The following URI1 variants were observed in gnomAD, a reference collection of about 807,000 sequenced individuals.
URI1 encodes the protein URI1 prefoldin like chaperone.
URI1 carries 39 observed loss-of-function variants against 60.2 expected under a neutral mutation model. The observed-to-expected ratio is 0.65, with a 90% CI of 0.50 to 0.85. The LOEUF (loss-of-function observed/expected upper bound fraction) is 0.85. URI1 is among the 40% of genes least tolerant of loss of function. The probability of loss-of-function intolerance (pLI) is 0.00; values close to 1 mark genes in which losing one functional copy is unlikely to be tolerated. For missense variants in URI1, 691 were observed against 665.9 expected (o/e 1.04, Z -0.42); for synonymous variants, 251 against 236.8 (o/e 1.06, Z -0.55).
chr19:29,972,476 A>T (rs987484788), intron 2 of URI1, among the ~76,000 whole-genome samples: 2 of 152,112 alleles, frequency 1.3e-5, no homozygotes, highest in Non-Finnish European at 2.9e-5. Flanking sequence ...ATTAACGTGG[A>T]CTTCTGTCTA....
chr19:29,954,920 A>G (rs1487128176), intron 1 of URI1, among the ~76,000 whole-genome samples: 1 of 152,074 alleles, frequency 6.6e-6, no homozygotes, highest in Non-Finnish European at 1.5e-5. Context: ...TTCTTATACA[A>G]AAGGCAGCTT....
chr19:30,006,911 C>T (rs939172644), intron 6 of URI1, among the ~76,000 whole-genome samples: 7 of 152,032 alleles, frequency 4.6e-5, no homozygotes, highest in Admixed American at 2.6e-4. Context: ...TAGAGATGTT[C>T]ATATGTAAAA....
intron 1 of URI1, among the ~76,000 whole-genome samples, chr19:29,942,918 A>G (rs1340237373): frequency 1.3e-5 from 2 of 152,024 alleles, no homozygotes; most frequent in East Asian, 3.9e-4. Context: ...GCGCGTGGGA[A>G]TTTGGGGGCG....
chr19:29,952,372 A>G (rs1459294872), intron 1 of URI1, among the ~76,000 whole-genome samples: 2 of 152,192 alleles, frequency 1.3e-5, no homozygotes, highest in African/African-American at 2.4e-5. Flanking sequence ...GACTGACTGG[A>G]TGGGAATATC....
intron 4 of URI1, among the ~76,000 whole-genome samples, chr19:29,989,260 G>A (rs1335988941): frequency 2.0e-5 from 3 of 150,664 alleles, no homozygotes; most frequent in East Asian, 3.9e-4. Context: ...ACAGACATGC[G>A]CCACCATGCC....
chr19:29,980,570 T>C (rs979027360), intron 2 of URI1, among the ~76,000 whole-genome samples: 2 of 141,344 alleles, frequency 1.4e-5, no homozygotes, highest in African/African-American at 5.4e-5. Flanking sequence ...CTGTTTAGGA[T>C]GTTAGGTAGA....
At chr19:29,940,328 T>C (rs2055010846), upstream of URI1, among the ~76,000 whole-genome samples, 1 of 152,008 alleles carries the variant, frequency 6.6e-6, no homozygotes, top group African/African-American at 2.4e-5. Context: ...ACTGATTCCT[T>C]ATGGGAGCAC....
intron 1 of URI1, among the ~76,000 whole-genome samples, chr19:29,932,318 G>GATT (rs111766393): frequency 1.3e-5 from 2 of 150,428 alleles, no homozygotes; most frequent in South Asian, 2.1e-4. Context: ...TGATGATGAT[G>GATT]ATTATTATTA....
At chr19:29,949,692 G>A (rs1348515519) in intron 1 of URI1, among the ~76,000 whole-genome samples, 2 of 152,340 alleles carry the variant, frequency 1.3e-5, no homozygotes, top group East Asian at 1.9e-4. Context: ...CAGATCACTC[G>A]CGGTTAGGAG....
At chr19:29,935,751 G>C (rs2054965017) in intron 1 of URI1, among the ~76,000 whole-genome samples, 1 of 138,910 alleles carries the variant, frequency 7.2e-6, no homozygotes, top group Non-Finnish European at 1.5e-5. Flanking sequence ...ACTGCCTCTG[G>C]GCCTCTGGTT....
chr19:29,964,202 C>CGGA (rs2055360713), intron 1 of URI1, among the ~76,000 whole-genome samples: 1 of 152,144 alleles, frequency 6.6e-6, no homozygotes, highest in Non-Finnish European at 1.5e-5. Flanking sequence ...ACAGTTCTCC[C>CGGA]CTCTCTGAAT....
At chr19:29,977,924 A>C (rs1475524603) in intron 2 of URI1, among the ~76,000 whole-genome samples, 1 of 152,230 alleles carries the variant, frequency 6.6e-6, no homozygotes, top group Non-Finnish European at 1.5e-5. Context: ...GGAAAAGTTG[A>C]AATAAGAAAG....
At chr19:29,930,197 C>T (rs2054904782) in intron 1 of URI1, among the ~76,000 whole-genome samples, 2 of 152,104 alleles carry the variant, frequency 1.3e-5, no homozygotes, top group Admixed American at 1.3e-4. Context: ...CCTCATCCTC[C>T]CAAAGTGCTG....
chr19:29,972,981 C>T (rs1207718948), intron 2 of URI1, among the ~76,000 whole-genome samples: 2 of 152,032 alleles, frequency 1.3e-5, no homozygotes, highest in African/African-American at 2.4e-5. Flanking sequence ...TGGTTTGGTT[C>T]AGGAAACAGA....
intron 1 of URI1, among the ~76,000 whole-genome samples, chr19:29,936,044 C>T (rs1003229577): frequency 1.2e-4 from 18 of 152,132 alleles, no homozygotes; most frequent in African/African-American, 4.3e-4. Context: ...CCTTGGCCTC[C>T]CAAAGTGCTG....
chr19:29,928,424 T>C (rs2054889009), intron 1 of URI1, among the ~76,000 whole-genome samples: 1 of 152,160 alleles, frequency 6.6e-6, no homozygotes, highest in Non-Finnish European at 1.5e-5. Context: ...TCTGGGCCGA[T>C]GTCACGAAAC....
intron 4 of URI1, among the ~76,000 whole-genome samples, chr19:29,988,390 T>G (rs183206552): frequency 1.0e-3 from 153 of 152,228 alleles, no homozygotes; most frequent in Non-Finnish European, 1.7e-3. Flanking sequence ...GGGTCATGAT[T>G]TGTTTAGCCA....
At chr19:29,981,906 A>G (rs2055602838) in intron 2 of URI1, among the ~76,000 whole-genome samples, 4 of 152,238 alleles carry the variant, frequency 2.6e-5, no homozygotes, top group Admixed American at 2.6e-4. Context: ...TTTGTTATAA[A>G]TAAAGACCCC....
At chr19:29,969,496 A>G (rs534635425) in intron 1 of URI1, among the ~76,000 whole-genome samples, 2 of 152,236 alleles carry the variant, frequency 1.3e-5, no homozygotes, top group Non-Finnish European at 2.9e-5. Flanking sequence ...TATAGCTTAG[A>G]AGATTTCCTC....
Sources: allele counts gnomAD v4.1 joint callset (sites outside exome capture counted in the v4.1 genomes callset), GRCh38; gene constraint gnomAD v4.1.1; transcripts MANE v1.5; gene names NCBI Gene and HGNC (gene_info 2026-07-23, HGNC 2026-07-21).